The following TNFRSF6B variants were observed in gnomAD, a reference collection of about 807,000 sequenced individuals.
TNFRSF6B encodes the protein tumor necrosis factor receptor superfamily member 6B.
Under a neutral mutation model 17.9 loss-of-function variants are expected in TNFRSF6B, and 23 were observed. That is an observed-to-expected ratio of 1.28 (90% CI 0.92 to 1.82). The LOEUF is 1.82. TNFRSF6B is among the 40% of genes most tolerant of loss of function. The pLI is 0.00. For synonymous variants in TNFRSF6B, 291 were observed against 195.8 expected, an observed-to-expected ratio of 1.49 and a Z score of -4.06; for missense variants, 555 against 437.2, an observed-to-expected ratio of 1.27 and a Z score of -2.40.
chr20:63,697,661 G>A, intron 2 of TNFRSF6B, 139 bp downstream of exon 2: 1 of 970,656 alleles, frequency 1.0e-6, no homozygotes, highest in Non-Finnish European at 1.5e-6. Flanking sequence ...AGGGGTCAGG[G>A]GTCCCTCCAC....
rs775218200 is a variant in TNFRSF6B at position 63,697,119 on chromosome 20, G to A, written c.352G>A (p.Gly118Ser). The change falls in exon 1 of 3, where the codon GGC becomes AGC. Residue 118 changes from glycine (G) to serine (S), a missense_variant. Gly to Ser is a moderately conservative substitution (Grantham distance 56, BLOSUM62 0). Coordinates refer to ENST00000369996, the MANE Select transcript of TNFRSF6B (RefSeq NM_003823.4). ...CAACCGTGCCTGCCGCTGCCGCACC[G>A]GCTTCTTCGCGCACGCTGGTTTCTG... ...THNRACRCRTGFFAHAGFCLE... is the reference protein window; with the variant it reads ...THNRACRCRTSFFAHAGFCLE... 59 of 1,597,300 alleles carry A rather than the reference G, an allele frequency of 3.7e-5. No individual in the cohort carries two copies. The highest frequency in any genetic ancestry group is 4.8e-5 in the Non-Finnish European group (56 of 1,174,612).
In TNFRSF6B at chr20:63,697,404, G is replaced by A. The variant is rs759359055; in HGVS notation, c.501G>A (p.Gln167=). 6.2e-7 allele frequency: 1 copy of A among 1,611,492 alleles called. No homozygotes were observed. The highest frequency in any genetic ancestry group is 8.5e-7 in the Non-Finnish European group (1 of 1,179,510). The stretch of plus-strand genomic sequence containing the variant: ...CAGCCAGCAGCTCCAGCTCAGAGCA[G>A]TGCCAGCCCCACCGCAACTGCACGG... ...TFSASSSSSE[Q]CQPHRNCTAL... is the part of the protein sequence containing the mutation. The change falls in exon 2 of 3, where the codon CAG becomes CAA. Residue 167 remains glutamine, a synonymous_variant. Transcript: ENST00000369996.
intron 2 of TNFRSF6B, 142 bp downstream of exon 2, chr20:63,697,664 C>T (rs1011283833): frequency 8.6e-6 from 8 of 925,204 alleles, no homozygotes; most frequent in East Asian, 2.8e-5. Flanking sequence ...GGTCAGGGGT[C>T]CCTCCACTAG....
In TNFRSF6B at chr20:63,698,344, G is replaced by A. The variant is rs1395575154; in HGVS notation, c.684G>A (p.Arg228=). ...FVAFQDISIK[R]LQRLLQALEA... ...CTTTCCAGGACATCTCCATCAAGAG[G>A]CTGCAGCGGCTGCTGCAGGCCCTCG... The change falls in exon 3 of 3, where the codon AGG becomes AGA. Residue 228 remains arginine (R), a synonymous_variant. Transcript: ENST00000369996. 4 of 1,611,166 alleles carry A rather than the reference G, an allele frequency of 2.5e-6. No homozygotes were observed. Among genetic ancestry groups the A allele is most frequent in the Admixed American group, 1.7e-5 (1 of 59,934 alleles).
rs764950396 is a variant in TNFRSF6B at position 63,698,298 on chromosome 20, G to A, written c.638G>A (p.Arg213His). ...TRVPGAEECE[R>H]AVIDFVAFQD... ...ACTGCAGGAGCTGAGGAGTGTGAGC[G>A]TGCCGTCATCGACTTTGTGGCTTTC... The change falls in exon 3 of 3, where the codon CGT becomes CAT. Residue 213 changes from arginine (R) to histidine (H), a missense_variant. Coordinates refer to ENST00000369996, the MANE Select transcript of TNFRSF6B (RefSeq NM_003823.4). 1.6e-5 allele frequency: 25 copies of A among 1,610,664 alleles called. No homozygotes were observed. The East Asian group carries it at 1.8e-4, about 12-fold the overall frequency.
chr20:63,696,682 G>T lies in TNFRSF6B; in HGVS notation c.-86G>T, dbSNP rs958848781. On this transcript the variant is annotated 5_prime_UTR_variant, in exon 1 of 3. Transcript: ENST00000369996. ...TGGGCGGCCCCTCCGCAGGCGGACCGGGGGCAAAGGAGGTGGCATGTCGGT... is the reference window on the plus strand; with the variant it reads ...TGGGCGGCCCCTCCGCAGGCGGACCTGGGGCAAAGGAGGTGGCATGTCGGT... 1 of 1,398,932 alleles carries T rather than the reference G, an allele frequency of 7.1e-7. No homozygotes were observed. The highest frequency in any genetic ancestry group is 9.4e-7 in the Non-Finnish European group (1 of 1,064,520). 86.7% of individuals were successfully genotyped at this position (1,398,932 alleles called of 1,614,324 possible).
Position 63,696,751 on chromosome 20 carries a change from C to T in TNFRSF6B, c.-17C>T. On this transcript the variant is annotated 5_prime_UTR_variant, in exon 1 of 3. Transcript: ENST00000369996. The stretch of plus-strand genomic sequence containing the variant: ...GTGTCCGCGCTGAGCCGCGCTCTCC[C>T]TGCTCCAGCAAGGACCATGAGGGCG... 6.4e-7 allele frequency: 1 copy of T among 1,551,274 alleles called. No homozygotes were observed. Among genetic ancestry groups the T allele is most frequent in the East Asian group, 2.3e-5 (1 of 43,640 alleles).
At chr20:63,697,575 C>G in intron 2 of TNFRSF6B, 53 bp downstream of exon 2, 1 of 1,476,018 alleles carries the variant, frequency 6.8e-7, no homozygotes. Context: ...CCACTTGTGC[C>G]CTCACTCCTG....
chr20:63,696,879 T>C lies in TNFRSF6B; in HGVS notation c.112T>C (p.Trp38Arg). 2 of 1,611,774 alleles carry C rather than the reference T, an allele frequency of 1.2e-6. No individual in the cohort carries two copies. The highest frequency in any genetic ancestry group is 1.7e-6 in the Non-Finnish European group (2 of 1,179,470). Residue 38 changes from tryptophan to arginine, a missense_variant, in exon 1 of 3, where the codon TGG becomes CGG. Coordinates refer to ENST00000369996, the MANE Select transcript of TNFRSF6B (RefSeq NM_003823.4). ...AGTGGCAGAAACACCCACCTACCCCTGGCGGGACGCAGAGACAGGGGAGCG... is the reference window on the plus strand; with the variant it reads ...AGTGGCAGAAACACCCACCTACCCCCGGCGGGACGCAGAGACAGGGGAGCG... ...RGVAETPTYP[W>R]RDAETGERLV...
Position 63,698,500 on chromosome 20 carries a change from G to A in TNFRSF6B, c.840G>A (p.Leu280=). Residue 280 remains leucine (L), a synonymous_variant, in exon 3 of 3, where the codon CTG becomes CTA. Coordinates refer to ENST00000369996, the MANE Select transcript of TNFRSF6B (RefSeq NM_003823.4). ...GALLVRLLQA[L]RVARMPGLER... ...TGCTGGTGCGGCTGCTGCAGGCGCT[G>A]CGCGTGGCCAGGATGCCCGGGCTGG... The A allele has an allele frequency of 6.5e-7, 1 of 1,547,126 alleles. No individual in the cohort carries two copies. Among genetic ancestry groups the A allele is most frequent in the African/African-American group, 1.4e-5 (1 of 69,856 alleles).
In TNFRSF6B at chr20:63,696,788, A is replaced by G; in HGVS notation, c.21A>G (p.Pro7=). Residue 7 remains proline (P), a synonymous_variant, in exon 1 of 3, where the codon CCA becomes CCG. Coordinates refer to ENST00000369996, the MANE Select transcript of TNFRSF6B (RefSeq NM_003823.4). The part of the protein sequence containing the change: MRALEG[P]GLSLLCLVLA... Reference sequence around the variant, plus strand: ...GGACCATGAGGGCGCTGGAGGGGCCAGGCCTGTCGCTGCTGTGCCTGGTGT... The same window carrying G: ...GGACCATGAGGGCGCTGGAGGGGCCGGGCCTGTCGCTGCTGTGCCTGGTGT... 6.2e-7 allele frequency: 1 copy of G among 1,602,106 alleles called. No homozygotes were observed. The highest frequency in any genetic ancestry group is 1.1e-5 in the South Asian group (1 of 89,304).
Position 63,696,866 on chromosome 20 carries a change from A to G in TNFRSF6B, c.99A>G (p.Thr33=), listed in dbSNP as rs759539000. Reference sequence around the variant, plus strand: ...CGGCTGTACGCGGAGTGGCAGAAACACCCACCTACCCCTGGCGGGACGCAG... The same window carrying G: ...CGGCTGTACGCGGAGTGGCAGAAACGCCCACCTACCCCTGGCGGGACGCAG... ...PVPAVRGVAE[T]PTYPWRDAET... Residue 33 remains threonine, a synonymous_variant, in exon 1 of 3, where the codon ACA becomes ACG. Transcript: ENST00000369996. The G allele has an allele frequency of 6.2e-7, 1 of 1,611,570 alleles. No individual in the cohort carries two copies. The highest frequency in any genetic ancestry group is 8.5e-7 in the Non-Finnish European group (1 of 1,179,496).
intron 1 of TNFRSF6B, 35 bp from the exon 2 acceptor site, chr20:63,697,293 G>A (rs2091003262): frequency 1.3e-6 from 2 of 1,594,070 alleles, no homozygotes; most frequent in Non-Finnish European, 8.5e-7. Flanking sequence ...TAGGACACCA[G>A]TTCCCCTGAC....
Position 63,697,522 on chromosome 20 carries a change from G to A in TNFRSF6B, c.619G>A (p.Gly207Arg). ...CTTCCCCCTCAGCACCAGGGTACCA[G>A]GTGAGCCAGAGGCCTGAGGGGGCAG... ...TGFPLSTRVPGAEECERAVID... is the reference protein window; with the variant it reads ...TGFPLSTRVPRAEECERAVID... The change falls in exon 2 of 3, where the codon GGA (glycine) becomes AGA (arginine). Residue 207 changes from glycine to arginine, a missense_variant and splice_region_variant. By Grantham distance (125) the Gly-to-Arg change is moderately radical. Transcript: ENST00000369996. 3.9e-6 allele frequency: 6 copies of A among 1,542,518 alleles called. No homozygotes were observed. Among genetic ancestry groups the A allele is most frequent in the Non-Finnish European group, 5.3e-6 (6 of 1,140,488 alleles).
chr20:63,697,507 AGCACCAGG>A lies in TNFRSF6B; in HGVS notation c.606_613del (p.Val205SerfsTer2). On this transcript the variant is annotated frameshift_variant, in exon 2 of 3. Coordinates refer to ENST00000369996, the MANE Select transcript of TNFRSF6B (RefSeq NM_003823.4). LOFTEE classifies it low-confidence loss of function (END_TRUNC). ...CACCAGCTGCACTGGCTTCCCCCTC[AGCACCAGG>A]GTACCAGGTGAGCCAGAGGCCTGAG... 6.4e-7 allele frequency: 1 copy of A among 1,551,196 alleles called. No homozygotes were observed. Among genetic ancestry groups the A allele is most frequent in the Non-Finnish European group, 8.7e-7 (1 of 1,146,028 alleles).
rs1190841262 is a variant in TNFRSF6B at position 63,696,876 on chromosome 20, C to A, written c.109C>A (p.Pro37Thr). Residue 37 changes from proline (P) to threonine (T), a missense_variant, in exon 1 of 3, where the codon CCC (proline) becomes ACC (threonine). Physicochemically the swap from Pro to Thr is conservative, Grantham distance 38 (BLOSUM62 -1). Transcript: ENST00000369996. ...CGGAGTGGCAGAAACACCCACCTACCCCTGGCGGGACGCAGAGACAGGGGA... is the reference window on the plus strand; with the variant it reads ...CGGAGTGGCAGAAACACCCACCTACACCTGGCGGGACGCAGAGACAGGGGA... ...VRGVAETPTY[P>T]WRDAETGERL... is the part of the protein sequence containing the mutation. The A allele has an allele frequency of 6.2e-7, 1 of 1,611,742 alleles. No individual in the cohort carries two copies. Among genetic ancestry groups the A allele is most frequent in the African/African-American group, 1.3e-5 (1 of 74,928 alleles).
Position 63,698,462 on chromosome 20 carries a change from C to T in TNFRSF6B, c.802C>T (p.Gln268Ter), listed in dbSNP as rs778395396. 1.9e-6 allele frequency: 3 copies of T among 1,554,070 alleles called. No individual in the cohort carries two copies. Among genetic ancestry groups the T allele is most frequent in the Non-Finnish European group, 1.7e-6 (2 of 1,157,436 alleles). ...RRRLTELLGA[Q>*]DGALLVRLLQ... ...GCGGCTCACGGAGCTCCTGGGGGCG[C>T]AGGACGGGGCGCTGCTGGTGCGGCT... The change falls in exon 3 of 3, where the codon CAG becomes TAG. Residue 268 changes from glutamine to a stop codon, truncating the protein, a stop_gained. Coordinates refer to ENST00000369996, the MANE Select transcript of TNFRSF6B (RefSeq NM_003823.4). LOFTEE classifies it low-confidence loss of function (END_TRUNC).
In TNFRSF6B at chr20:63,698,528, C is replaced by T. The variant is rs753993262; in HGVS notation, c.868C>T (p.Arg290Trp). 40 of 1,546,588 alleles carry T rather than the reference C, an allele frequency of 2.6e-5. No homozygotes were observed. Among genetic ancestry groups the T allele is most frequent in the Non-Finnish European group, 3.1e-5 (36 of 1,155,504 alleles). Residue 290 changes from arginine to tryptophan, a missense_variant, in exon 3 of 3, where the codon CGG (arginine) becomes TGG (tryptophan). Arg to Trp is a moderately radical substitution (Grantham distance 101). Transcript: ENST00000369996. ...CGTGGCCAGGATGCCCGGGCTGGAG[C>T]GGAGCGTCCGTGAGCGCTTCCTCCC... is the stretch of plus-strand genomic sequence containing the variant. ...LRVARMPGLE[R>W]SVRERFLPVH
At chr20:63,697,763 GGCA>G (rs2091014334) in intron 2 of TNFRSF6B, among the ~76,000 whole-genome samples, 1 of 152,130 alleles carries the variant, frequency 6.6e-6, no homozygotes, top group Non-Finnish European at 1.5e-5. Flanking sequence ...TGGGAAAGTG[GGCA>G]GCAATCTCCT....
Sources: allele counts gnomAD v4.1 joint callset (sites outside exome capture counted in the v4.1 genomes callset), GRCh38; gene constraint gnomAD v4.1.1; transcripts MANE v1.5; gene names NCBI Gene and HGNC (gene_info 2026-07-23, HGNC 2026-07-21).